Variants in ANO7 observed in about 807,000 individuals in gnomAD.
ANO7 encodes anoctamin-7.
Under a neutral mutation model 115.8 loss-of-function variants are expected in ANO7, and 114 were observed. The observed-to-expected ratio is 0.98, with a 90% CI of 0.85 to 1.15. ANO7 has a LOEUF of 1.15. Among genes scored for constraint, ANO7 ranks in the 50% most tolerant of loss-of-function variants. The pLI is 0.00. For synonymous variants in ANO7, 550 were observed against 498.2 expected, an observed-to-expected ratio of 1.10 and a Z score of -1.38; for missense variants, 1,302 against 1,201.2, an observed-to-expected ratio of 1.08 and a Z score of -1.24.
At chr2:241,221,781 G>A (rs961176812) in intron 21 of ANO7, among the ~76,000 whole-genome samples, 13 of 151,926 alleles carry the variant, frequency 8.6e-5, no homozygotes, top group African/African-American at 2.2e-4. Flanking sequence ...AGGTTCAAGC[G>A]ATTCTCCTGC....
intron 4 of ANO7, 50 bp from the exon 5 acceptor site, chr2:241,199,266 A>G: frequency 6.9e-7 from 1 of 1,442,588 alleles, no homozygotes; most frequent in South Asian, 1.1e-5. Flanking sequence ...ACATGTGCAT[A>G]CGTGCACACA....
At chr2:241,208,872 G>A (rs530987510) in intron 11 of ANO7, among the ~76,000 whole-genome samples, 5 of 152,290 alleles carry the variant, frequency 3.3e-5, no homozygotes, top group African/African-American at 1.2e-4. Flanking sequence ...TCAGGGGGCT[G>A]GGCACGGTGG....
rs560693871 is a variant in ANO7 at position 241,209,427 on chromosome 2, A to G, written c.1220A>G (p.Glu407Gly). 3.1e-6 allele frequency: 5 copies of G among 1,593,844 alleles called. No individual in the cohort carries two copies. The highest frequency in any genetic ancestry group is 2.3e-5 in the South Asian group (2 of 88,364). ...GACTGCTCTGACTACGAGGACACTG[A>G]GGTGAGCCACCCCCGCTGGACCACG... is the stretch of plus-strand genomic sequence containing the variant. Reference protein sequence around the residue: ...RWDCSDYEDTEERPRPQFAAS... With the variant: ...RWDCSDYEDTGERPRPQFAAS... The change falls in exon 12 of 25, where the codon GAG (glutamate) becomes GGG (glycine). Residue 407 changes from glutamate to glycine, a missense_variant and splice_region_variant. By Grantham distance (98) the Glu-to-Gly change is moderately conservative. Transcript: ENST00000674324.
At chr2:241,210,419 G>A (rs749111341) in intron 14 of ANO7, 26 bp downstream of exon 14, 4 of 1,613,830 alleles carry the variant, frequency 2.5e-6, no homozygotes, top group Admixed American at 1.7e-5. Flanking sequence ...CTGCCTCGGG[G>A]GGCCCTGAGC....
intron 21 of ANO7, among the ~76,000 whole-genome samples, chr2:241,219,430 C>T (rs188367206): frequency 6.6e-6 from 1 of 151,932 alleles, no homozygotes; most frequent in Non-Finnish European, 1.5e-5. Context: ...TTTTTTATTC[C>T]TCCTCTCCTG....
Position 241,205,235 on chromosome 2 carries a change from T to A in ANO7, c.980+280T>A, listed in dbSNP as rs187202914. On this transcript the variant is annotated intron_variant, in intron 10 of 24. Coordinates refer to ENST00000674324, the MANE Select transcript of ANO7 (RefSeq NM_001370694.2). ...GGAGTGCTCCCAAACTGACAGGTGG[T>A]CAGGAGCACTCCCAGACTGACAGGC... Among the ~76,000 whole-genome samples, 352 of 123,824 alleles carry A rather than the reference T, an allele frequency of 2.8e-3. 1 individual carries two copies. The highest frequency in any genetic ancestry group is 9.8e-3 in the Admixed American group (115 of 11,788). 81.2% of individuals were successfully genotyped at this position (123,824 alleles called of 152,430 possible).
intron 1 of ANO7, among the ~76,000 whole-genome samples, chr2:241,189,856 G>A (rs2068149057): frequency 6.6e-6 from 1 of 152,170 alleles, no homozygotes; most frequent in Admixed American, 6.5e-5. Context: ...CCCGGCACTG[G>A]TTTCTTCCTG....
intron 4 of ANO7, chr2:241,199,032 C>G (rs1412677906): frequency 2.8e-5 from 12 of 431,568 alleles, no homozygotes; most frequent in Non-Finnish European, 4.8e-5. Context: ...CAAGGCTCTC[C>G]CTAGCCTTAG....
At chr2:241,231,592 G>C in the ANO7 span, among the ~76,000 whole-genome samples, 9 of 152,178 alleles carry the variant, frequency 5.9e-5, no homozygotes, top group African/African-American at 2.2e-4. Context: ...TCAGCTTCCT[G>C]CTTCTTTGCC....
At chr2:241,235,181 G>T in the ANO7 span, 1 of 1,614,174 alleles carries the variant, frequency 6.2e-7, no homozygotes, top group Non-Finnish European at 8.5e-7. Flanking sequence ...CCTTGGCCCG[G>T]TCCAAATTTG....
chr2:241,229,546 T>C, downstream of ANO7: 13 of 1,272,996 alleles, frequency 1.0e-5, no homozygotes, highest in Admixed American at 1.7e-5. Flanking sequence ...AGACAAACCA[T>C]TGTGTGGTTG....
chr2:241,223,775 G>GA lies in ANO7; in HGVS notation c.2528dup (p.Asn843LysfsTer2), dbSNP rs751748482. On this transcript the variant is annotated frameshift_variant, in exon 23 of 25. Transcript: ENST00000674324. LOFTEE classifies it high-confidence loss of function. ...ACCTGGCTAAGCAGGCACTGGCTGA[G>GA]AATGAGGTGAACTGTACAGCCCAGT... 1 of 1,614,110 alleles carries GA rather than the reference G, an allele frequency of 6.2e-7. No homozygotes were observed. The highest frequency in any genetic ancestry group is 1.3e-5 in the African/African-American group (1 of 74,950).
downstream of ANO7, among the ~76,000 whole-genome samples, chr2:241,226,471 C>A (rs2069174635): frequency 6.6e-6 from 1 of 151,674 alleles, no homozygotes; most frequent in Admixed American, 6.6e-5. Context: ...GTCACCCAGG[C>A]TGGAGTGCAG....
chr2:241,212,485 C>T, intron 16 of ANO7, 87 bp from the exon 17 acceptor site: 1 of 1,389,382 alleles, frequency 7.2e-7, no homozygotes, highest in Non-Finnish European at 1.0e-6. Flanking sequence ...GCAGGTGCAG[C>T]AGCTCTGCTG....
the ANO7 span, chr2:241,235,445 C>T: frequency 3.3e-3 from 5,006 of 1,506,888 alleles, 123 homozygotes; most frequent in African/African-American, 0.059. Context: ...GGAGAGGATG[C>T]GACAGGCCAC....
At position 241,201,326 on chromosome 2, in the gene ANO7, T is replaced by A; in HGVS notation, c.583T>A (p.Phe195Ile). The A allele has an allele frequency of 3.7e-6, 6 of 1,613,260 alleles. No homozygotes were observed. The highest frequency in any genetic ancestry group is 5.1e-6 in the Non-Finnish European group (6 of 1,179,750). ...CCTCGGGAGTGACAACCAGGACACC[T>A]TCTTCACAAGCACCAAGAGGCACCA... ...RFLGSDNQDTFFTSTKRHQIL... is the reference protein window; with the variant it reads ...RFLGSDNQDTIFTSTKRHQIL... The change falls in exon 7 of 25, where the codon TTC becomes ATC. Residue 195 changes from phenylalanine to isoleucine, a missense_variant. Physicochemically the swap from Phe to Ile is conservative, Grantham distance 21. Transcript: ENST00000674324.
chr2:241,199,233 C>T, intron 4 of ANO7, 83 bp from the exon 5 acceptor site: 5 of 1,218,530 alleles, frequency 4.1e-6, no homozygotes, highest in Non-Finnish European at 6.1e-6. Flanking sequence ...CCAGTCTTTT[C>T]CTAAGAGTGC....
Position 241,203,756 on chromosome 2 carries a change from C to T in ANO7, c.889+258C>T, listed in dbSNP as rs13385438. 0.033 allele frequency among the ~76,000 whole-genome samples: 4,990 copies of T among 152,154 alleles called. 262 individuals are homozygous for T. Among genetic ancestry groups the T allele is most frequent in the African/African-American group, 0.11 (4,709 of 41,494 alleles). ...GAGAGCCGCTTCTGCTGGTGGGGGT[C>T]TCTCCTGACTCCCTCCCCGAATGTC... On this transcript the variant is annotated intron_variant, in intron 9 of 24. Transcript: ENST00000674324. The surrounding 1 kb of genome is among the most constrained non-coding windows in gnomAD (Gnocchi z 4.8).
chr2:241,222,322 C>T (rs1432392287), intron 21 of ANO7, among the ~76,000 whole-genome samples: 3 of 152,122 alleles, frequency 2.0e-5, no homozygotes, highest in East Asian at 1.9e-4. Context: ...GAAAGAGTTA[C>T]GTCTTTGTTT....
Sources: gnomAD v4.1 joint callset for allele counts (sites outside exome capture counted in the v4.1 genomes callset) on GRCh38, gnomAD v4.1.1 for gene constraint, Gnocchi (gnomAD v3.1) non-coding constraint, MANE v1.5 for transcripts, NCBI Gene and HGNC (gene_info 2026-07-23, HGNC 2026-07-21) for gene names.